Variants in LRRC38 observed in about 807,000 individuals in gnomAD.
The protein encoded by LRRC38 is leucine-rich repeat-containing protein 38.
LRRC38 carries 5 observed loss-of-function variants against 16.4 expected under a neutral mutation model. That is an observed-to-expected ratio of 0.31 (90% CI 0.16 to 0.64). LRRC38 has a LOEUF of 0.64. Ranked by LOEUF, LRRC38 falls within the 30% of genes least tolerant of loss-of-function variation. The pLI is 0.80. For missense variants in LRRC38, 341 were observed against 401.8 expected, an observed-to-expected ratio of 0.85 and a Z score of 1.29; for synonymous variants, 191 against 190.2, an observed-to-expected ratio of 1.00 and a Z score of -0.04.
chr1:13,496,127 C>G (rs1279122113), intron 1 of LRRC38, among the ~76,000 whole-genome samples: 2 of 151,914 alleles, frequency 1.3e-5, no homozygotes, highest in Non-Finnish European at 2.9e-5. Context: ...TATACAAATT[C>G]ATGCCTCAAT....
At chr1:13,478,998 G>T (rs1638820524) in intron 1 of LRRC38, among the ~76,000 whole-genome samples, 1 of 152,038 alleles carries the variant, frequency 6.6e-6, no homozygotes. Context: ...AGCTCTGCAG[G>T]CCTCCCCAAT....
intron 1 of LRRC38, among the ~76,000 whole-genome samples, chr1:13,502,701 T>A (rs942617717): frequency 3.3e-5 from 5 of 152,220 alleles, no homozygotes; most frequent in Non-Finnish European, 7.3e-5. Context: ...TCTAAAGATC[T>A]TTCACATCTG....
At chr1:13,508,169 G>A (rs1411459410) in intron 1 of LRRC38, among the ~76,000 whole-genome samples, 3 of 152,144 alleles carry the variant, frequency 2.0e-5, no homozygotes, top group Non-Finnish European at 2.9e-5. Context: ...CCTGGGAGGC[G>A]GAGGTTGCAG....
At position 13,493,024 on chromosome 1, in the gene LRRC38, G is replaced by A. The variant is rs550123295; in HGVS notation, c.632-16925C>T. Among the ~76,000 whole-genome samples the A allele has an allele frequency of 1.8e-4, 28 of 152,290 alleles. 1 individual carries two copies. The South Asian group carries it at 4.8e-3, about 26-fold the overall frequency. ...CCCCTTCTGTCTCTGTGCTGTGTGC[G>A]ACAGTCATTCCAGGGATATCTTCCC... On this transcript the variant is annotated intron_variant, in intron 1 of 1. Coordinates refer to ENST00000376085, the MANE Select transcript of LRRC38 (RefSeq NM_001010847.2).
chr1:13,482,764 A>AC (rs1485977565), intron 1 of LRRC38, among the ~76,000 whole-genome samples: 1 of 151,970 alleles, frequency 6.6e-6, no homozygotes, highest in East Asian at 1.9e-4. Context: ...CCTTTTCCTG[A>AC]CCTATCCCGT....
chr1:13,499,581 C>G (rs1016533607), intron 1 of LRRC38, among the ~76,000 whole-genome samples: 1 of 152,130 alleles, frequency 6.6e-6, no homozygotes, highest in Non-Finnish European at 1.5e-5. Flanking sequence ...CCCACTCAAA[C>G]AGGGTTATTT....
chr1:13,498,527 A>G (rs1309349668), intron 1 of LRRC38, among the ~76,000 whole-genome samples: 1 of 152,098 alleles, frequency 6.6e-6, no homozygotes, highest in Non-Finnish European at 1.5e-5. Flanking sequence ...GCTACTCAGG[A>G]GGCTGAGGCA....
intron 1 of LRRC38, among the ~76,000 whole-genome samples, chr1:13,492,726 T>C (rs1327406824): frequency 6.6e-6 from 1 of 152,022 alleles, no homozygotes; most frequent in Non-Finnish European, 1.5e-5. Context: ...AAAGGACTTT[T>C]TGAAAACATA....
At position 13,513,459 on chromosome 1, in the gene LRRC38, G is replaced by A. The variant is rs1169515176; in HGVS notation, c.135C>T (p.Arg45=). 4 of 1,547,162 alleles carry A rather than the reference G, an allele frequency of 2.6e-6. No homozygotes were observed. In the African/African-American group the frequency reaches 4.1e-5, roughly 16 times the overall value. Residue 45 remains arginine, a synonymous_variant, in exon 1 of 2, where the codon CGC becomes CGT. Transcript: ENST00000376085. ...AAGGGTCTGGCACGCTGGGCAGCCC[G>A]CGGTCGCGGCAGTCCACGGTGTGCG... The part of the protein sequence containing the change: ...TDPHTVDCRD[R]GLPSVPDPFP...
chr1:13,492,859 C>G (rs917731231), intron 1 of LRRC38, among the ~76,000 whole-genome samples: 8 of 152,156 alleles, frequency 5.3e-5, no homozygotes, highest in African/African-American at 1.9e-4. Context: ...ACAGCATTCA[C>G]GATTCTATTA....
At chr1:13,509,180 T>C (rs947971501) in intron 1 of LRRC38, among the ~76,000 whole-genome samples, 1 of 152,154 alleles carries the variant, frequency 6.6e-6, no homozygotes, top group African/African-American at 2.4e-5. Context: ...AGCCTTGCCC[T>C]CCCTACACCT....
In LRRC38 at chr1:13,484,295, C is replaced by G. The variant is rs572359413; in HGVS notation, c.632-8196G>C. The stretch of plus-strand genomic sequence containing the variant: ...CCACCCCATCATCCTCCATCTCCCC[C>G]TTCCCTCTTTGTTTTTCTCTGAGCA... On this transcript the variant is annotated intron_variant, in intron 1 of 1. Coordinates refer to ENST00000376085, the MANE Select transcript of LRRC38 (RefSeq NM_001010847.2). Among the ~76,000 whole-genome samples the G allele has an allele frequency of 2.0e-5, 3 of 152,280 alleles. No homozygotes were observed. In the South Asian group the frequency reaches 6.2e-4, roughly 32 times the overall value.
intron 1 of LRRC38, 35 bp downstream of exon 1, chr1:13,512,928 T>TCCCCC: frequency 2.8e-5 from 12 of 435,438 alleles, no homozygotes; most frequent in South Asian, 1.0e-4. Flanking sequence ...CCTGCCCCCC[T>TCCCCC]CCCTCCCTCC....
intron 1 of LRRC38, among the ~76,000 whole-genome samples, chr1:13,497,502 G>A (rs1639093661): frequency 6.6e-6 from 1 of 152,004 alleles, no homozygotes; most frequent in Admixed American, 6.6e-5. Flanking sequence ...CAAAGATCCT[G>A]GAGTCACACC....
chr1:13,481,662 T>C (rs1638860102), intron 1 of LRRC38, among the ~76,000 whole-genome samples: 1 of 152,130 alleles, frequency 6.6e-6, no homozygotes, highest in Non-Finnish European at 1.5e-5. Flanking sequence ...CCCAAAGTAC[T>C]GGGATTACAG....
intron 1 of LRRC38, among the ~76,000 whole-genome samples, chr1:13,478,924 C>CT (rs1329151090): frequency 5.3e-5 from 8 of 152,164 alleles, no homozygotes. Flanking sequence ...CAACCAGACT[C>CT]TGCATTCCCT....
At chr1:13,488,088 C>T (rs1198540019) in intron 1 of LRRC38, among the ~76,000 whole-genome samples, 1 of 150,524 alleles carries the variant, frequency 6.6e-6, no homozygotes, top group African/African-American at 2.5e-5. Context: ...AGCAGAAATG[C>T]ACTCCACCAC....
At chr1:13,494,600 T>C (rs1476273117) in intron 1 of LRRC38, among the ~76,000 whole-genome samples, 1 of 152,148 alleles carries the variant, frequency 6.6e-6, no homozygotes, top group Non-Finnish European at 1.5e-5. Context: ...ATTTAAACCA[T>C]GGTGGATCGA....
chr1:13,501,488 A>G (rs968798398), intron 1 of LRRC38, among the ~76,000 whole-genome samples: 1 of 150,182 alleles, frequency 6.7e-6, no homozygotes, highest in South Asian at 2.1e-4. Flanking sequence ...AGCTCACTCC[A>G]ACTTCCAACT....
Sources: gnomAD v4.1 joint callset for allele counts (sites outside exome capture counted in the v4.1 genomes callset) on GRCh38, gnomAD v4.1.1 for gene constraint, MANE v1.5 for transcripts, NCBI Gene and HGNC (gene_info 2026-07-23, HGNC 2026-07-21) for gene names.